VSTM2B: variants seen among roughly 807,000 people sequenced by gnomAD.
VSTM2B encodes the protein V-set and transmembrane domain containing 2B, also known as V-set and transmembrane domain-containing protein 2B.
In VSTM2B, 24 loss-of-function variants were observed where a neutral mutation model predicts 24.0. That is an observed-to-expected ratio of 1.00 (90% CI 0.72 to 1.40). VSTM2B has a LOEUF of 1.40. Among genes scored for constraint, VSTM2B ranks in the 40% most tolerant of loss-of-function variants. VSTM2B has a pLI of 0.00. For missense variants in VSTM2B, 399 were observed against 416.4 expected, an observed-to-expected ratio of 0.96 and a Z score of 0.36; for synonymous variants, 226 against 194.4, an observed-to-expected ratio of 1.16 and a Z score of -1.35.
chr19:29,539,973 G>C (rs1391038941), intron 4 of VSTM2B, among the ~76,000 whole-genome samples: 1 of 152,258 alleles, frequency 6.6e-6, no homozygotes, highest in Non-Finnish European at 1.5e-5. Flanking sequence ...TCCCTCTGCT[G>C]ACCCTGGCCT....
At chr19:29,538,017 T>G (rs1969933280) in intron 4 of VSTM2B, among the ~76,000 whole-genome samples, 1 of 152,150 alleles carries the variant, frequency 6.6e-6, no homozygotes, top group Admixed American at 6.5e-5. Flanking sequence ...TCGCATTCTC[T>G]CCTGACATTT....
rs984911955 is a variant in VSTM2B at position 29,549,113 on chromosome 19, G to A, written c.770-14733G>A. Among the ~76,000 whole-genome samples the A allele has an allele frequency of 6.6e-5, 10 of 152,340 alleles. No individual in the cohort carries two copies. In the East Asian group the frequency reaches 1.9e-3, roughly 29 times the overall value. Reference sequence around the variant, plus strand: ...GAAATACCTGAATCTCTGCTTTTATGTAGAAGTCTCCCAATTTTTACATGC... The same window carrying A: ...GAAATACCTGAATCTCTGCTTTTATATAGAAGTCTCCCAATTTTTACATGC... On this transcript the variant is annotated intron_variant, in intron 4 of 4. Coordinates refer to ENST00000335523, the MANE Select transcript of VSTM2B (RefSeq NM_001146339.2).
At position 29,526,441 on chromosome 19, in the gene VSTM2B, C is replaced by T. The variant is rs917521458; in HGVS notation, c.-143C>T. 45 of 321,152 alleles carry T rather than the reference C, an allele frequency of 1.4e-4. No homozygotes were observed. Among genetic ancestry groups the T allele is most frequent in the Admixed American group, 1.3e-3 (24 of 18,604 alleles). The allele number at this position is 321,152 out of a possible 1,614,324, so 19.9% of individuals were successfully genotyped here. A position where few individuals can be genotyped will look rare whatever the true frequency, so the allele number is the denominator to read the frequency against. ...CGAGGGAGCGGGGCTGATTGGCGGC[C>T]GCCGGCGGCCAGGGGAGGGGGCGCC... On this transcript the variant is annotated 5_prime_UTR_variant, in exon 1 of 5. Coordinates refer to ENST00000335523, the MANE Select transcript of VSTM2B (RefSeq NM_001146339.2). This position sits in a 1 kb window ranked among gnomAD's most constrained non-coding sequence, Gnocchi z 4.1.
At chr19:29,535,610 C>A (rs1388889002) in intron 4 of VSTM2B, among the ~76,000 whole-genome samples, 4 of 152,224 alleles carry the variant, frequency 2.6e-5, no homozygotes, top group African/African-American at 9.6e-5. Flanking sequence ...TGGGAGCCGT[C>A]AAAGGGGAGC....
chr19:29,556,352 T>C (rs1159103295), intron 4 of VSTM2B, among the ~76,000 whole-genome samples: 4 of 152,128 alleles, frequency 2.6e-5, no homozygotes, highest in Non-Finnish European at 5.9e-5. Flanking sequence ...TGTCAAAAAC[T>C]CTCAATTAAC....
At chr19:29,558,143 A>G (rs1159076623) in intron 4 of VSTM2B, among the ~76,000 whole-genome samples, 1 of 152,196 alleles carries the variant, frequency 6.6e-6, no homozygotes, top group African/African-American at 2.4e-5. Flanking sequence ...GAGAATGCAA[A>G]TCAAAACCTC....
chr19:29,563,653 T>C (rs940623555), intron 4 of VSTM2B, among the ~76,000 whole-genome samples, 193 bp from the exon 5 acceptor site: 4 of 152,162 alleles, frequency 2.6e-5, no homozygotes, highest in Non-Finnish European at 5.9e-5. Flanking sequence ...AAGTGTATGG[T>C]CTGTAAATTA....
chr19:29,555,636 A>C (rs1344883914), intron 4 of VSTM2B, among the ~76,000 whole-genome samples: 1 of 149,264 alleles, frequency 6.7e-6, no homozygotes, highest in Non-Finnish European at 1.5e-5. Context: ...TTTTTTGAAA[A>C]AATTAATAAA....
intron 1 of VSTM2B, 99 bp from the exon 2 acceptor site, chr19:29,527,112 C>A: frequency 9.0e-7 from 1 of 1,109,706 alleles, no homozygotes; most frequent in Non-Finnish European, 1.3e-6. Context: ...GGGTGGGGGG[C>A]ACAAGGCCAG....
chr19:29,530,354 C>G, intron 4 of VSTM2B, 64 bp downstream of exon 4: 1 of 1,379,920 alleles, frequency 7.2e-7, no homozygotes, highest in Non-Finnish European at 9.4e-7. Context: ...TGCGCCGGGA[C>G]GCCCCGGGGG....
chr19:29,531,431 T>C (rs1969755042), intron 4 of VSTM2B, among the ~76,000 whole-genome samples: 1 of 152,210 alleles, frequency 6.6e-6, no homozygotes, highest in Non-Finnish European at 1.5e-5. Context: ...TGCAGGCTCC[T>C]GGACTACCTG....
chr19:29,562,648 G>A (rs1029004032), intron 4 of VSTM2B, among the ~76,000 whole-genome samples: 1 of 152,146 alleles, frequency 6.6e-6, no homozygotes, highest in East Asian at 1.9e-4. Flanking sequence ...GGGGGTTTTG[G>A]CAGCACCAAG....
chr19:29,558,561 G>A (rs565826646), intron 4 of VSTM2B, among the ~76,000 whole-genome samples: 3 of 152,196 alleles, frequency 2.0e-5, no homozygotes, highest in South Asian at 4.2e-4. Context: ...TCCTTTACAC[G>A]GACATGGATG....
At chr19:29,528,912 GA>G in intron 3 of VSTM2B, 1 of 985,416 alleles carries the variant, frequency 1.0e-6, no homozygotes, top group Non-Finnish European at 1.2e-6. Flanking sequence ...CCTCCGCCTG[GA>G]TTGCGGGTCT....
At chr19:29,532,363 C>T (rs946367914) in intron 4 of VSTM2B, among the ~76,000 whole-genome samples, 15 of 152,104 alleles carry the variant, frequency 9.9e-5, no homozygotes, top group Non-Finnish European at 1.2e-4. Context: ...GCAAGGGGAG[C>T]GTGACTCTTC....
rs1348296259 is a variant in VSTM2B at position 29,527,204 on chromosome 19, C to T, written c.83-7C>T. 5 of 1,546,782 alleles carry T rather than the reference C, an allele frequency of 3.2e-6. No homozygotes were observed. Among genetic ancestry groups the T allele is most frequent in the South Asian group, 1.2e-5 (1 of 83,490 alleles). On this transcript the variant is annotated splice_region_variant and splice_polypyrimidine_tract_variant and intron_variant, in intron 1 of 4. Coordinates refer to ENST00000335523, the MANE Select transcript of VSTM2B (RefSeq NM_001146339.2). ...GGTCACGCCTCTCTCTCTCTCCCCA[C>T]CCCCAGCTGCATTCACAGAAGTCCC...
rs149047628 is a variant in VSTM2B at position 29,546,681 on chromosome 19, C to T, written c.769+16391C>T. On this transcript the variant is annotated intron_variant, in intron 4 of 4. Coordinates refer to ENST00000335523, the MANE Select transcript of VSTM2B (RefSeq NM_001146339.2). Reference sequence around the variant, plus strand: ...GTCCCCGCTGGGGAGCCCCCACCCCCACCCCGGTGCTCACTGCAGTCGGGC... The same window carrying T: ...GTCCCCGCTGGGGAGCCCCCACCCCTACCCCGGTGCTCACTGCAGTCGGGC... 9.3e-5 allele frequency among the ~76,000 whole-genome samples: 14 copies of T among 151,168 alleles called. No homozygotes were observed. The East Asian group carries it at 1.9e-3, about 21-fold the overall frequency.
intron 4 of VSTM2B, among the ~76,000 whole-genome samples, chr19:29,533,833 G>A (rs892676070): frequency 1.9e-4 from 29 of 152,322 alleles, no homozygotes; most frequent in East Asian, 3.9e-4. Flanking sequence ...ACTGCTGAGC[G>A]CCCTGAGAGG....
intron 4 of VSTM2B, 103 bp downstream of exon 4, chr19:29,530,393 C>T (rs957516124): frequency 1.4e-5 from 15 of 1,089,634 alleles, no homozygotes; most frequent in South Asian, 7.5e-5. Flanking sequence ...GCCCCCTGGG[C>T]GCATTTGCAT....
Sources: allele counts gnomAD v4.1 joint callset (sites outside exome capture counted in the v4.1 genomes callset), GRCh38; gene constraint gnomAD v4.1.1; non-coding constraint Gnocchi (gnomAD v3.1); transcripts MANE v1.5; gene names NCBI Gene and HGNC (gene_info 2026-07-23, HGNC 2026-07-21).